The following PARP12 variants were observed in gnomAD, a reference collection of about 807,000 sequenced individuals.
The protein encoded by PARP12 is poly(ADP-ribose) polymerase family member 12, also known as protein mono-ADP-ribosyltransferase PARP12.
A neutral mutation model predicts 72.4 loss-of-function variants in PARP12; 59 were observed. That is an observed-to-expected ratio of 0.81 (90% CI 0.66 to 1.01). PARP12 has a LOEUF of 1.01. PARP12 is among the 50% of genes least tolerant of loss of function. The pLI, the probability that PARP12 is intolerant of heterozygous loss-of-function variation, is 0.00. For synonymous variants in PARP12, 403 were observed against 371.4 expected, an observed-to-expected ratio of 1.09 and a Z score of -0.98; for missense variants, 851 against 914.0, an observed-to-expected ratio of 0.93 and a Z score of 0.89.
intron 1 of PARP12, among the ~76,000 whole-genome samples, chr7:140,061,780 G>C (rs1817454195): frequency 6.6e-6 from 1 of 152,190 alleles, no homozygotes; most frequent in African/African-American, 2.4e-5. Context: ...CCCTCAGGGA[G>C]TTTCTATTCT....
At chr7:140,034,417 T>C (rs1816072809) in intron 7 of PARP12, 86 bp from the exon 8 acceptor site, 4 of 1,166,268 alleles carry the variant, frequency 3.4e-6, no homozygotes, top group Non-Finnish European at 4.9e-6. Flanking sequence ...ACAAATTAGA[T>C]AGATTTGAAA....
intron 8 of PARP12, among the ~76,000 whole-genome samples, chr7:140,030,605 A>ACATACATACGTG (rs1554511769): frequency 6.6e-6 from 1 of 152,062 alleles, no homozygotes; most frequent in African/African-American, 2.4e-5. Context: ...CAAAATACAT[A>ACATACATACGTG]CATACATACA....
At position 140,062,737 on chromosome 7, in the gene PARP12, G is replaced by A. The variant is rs1256446373; in HGVS notation, c.111C>T (p.Asp37=). Reference sequence around the variant, plus strand: ...GCTGCCGCAGCAGCCGCTCCAGCGCGTCGGCGCTCAAGCCCATCCGCAAGC... The same window carrying A: ...GCTGCCGCAGCAGCCGCTCCAGCGCATCGGCGCTCAAGCCCATCCGCAAGC... ...RRRLRMGLSA[D]ALERLLRQRG... The change falls in exon 1 of 12, where the codon GAC becomes GAT. Residue 37 remains aspartate, a synonymous_variant. Coordinates refer to ENST00000263549, the MANE Select transcript of PARP12 (RefSeq NM_022750.4). The A allele has an allele frequency of 1.5e-6, 2 of 1,367,520 alleles. No individual in the cohort carries two copies. Among genetic ancestry groups the A allele is most frequent in the Non-Finnish European group, 1.9e-6 (2 of 1,053,792 alleles). The allele number at this position is 1,367,520 out of a possible 1,614,324, so 84.7% of individuals were successfully genotyped here.
At chr7:140,045,328 C>T (rs536404372) in intron 5 of PARP12, among the ~76,000 whole-genome samples, 7 of 152,174 alleles carry the variant, frequency 4.6e-5, no homozygotes, top group Non-Finnish European at 7.3e-5. Flanking sequence ...CTGCTGCGCT[C>T]GACCCACATC....
chr7:140,061,288 G>A (rs779952377), intron 1 of PARP12, among the ~76,000 whole-genome samples: 9 of 152,072 alleles, frequency 5.9e-5, no homozygotes, highest in Non-Finnish European at 1.0e-4. Context: ...CAGCCCCCTC[G>A]AACTTGATAA....
intron 5 of PARP12, among the ~76,000 whole-genome samples, chr7:140,044,849 C>A (rs935133552): frequency 2.0e-5 from 3 of 152,098 alleles, no homozygotes; most frequent in Non-Finnish European, 4.4e-5. Context: ...CAACCTCCAA[C>A]AGAGGAACTT....
intron 7 of PARP12, among the ~76,000 whole-genome samples, chr7:140,036,556 C>T (rs1816209466): frequency 6.6e-6 from 1 of 152,138 alleles, no homozygotes; most frequent in Admixed American, 6.5e-5. Flanking sequence ...ACAAGCAAAA[C>T]CAAGGCCAGA....
chr7:140,041,995 A>G (rs1816495895), intron 5 of PARP12, among the ~76,000 whole-genome samples, 156 bp from the exon 6 acceptor site: 1 of 152,196 alleles, frequency 6.6e-6, no homozygotes, highest in African/African-American at 2.4e-5. Flanking sequence ...GCTTTTTCAG[A>G]TCAGTTTTGA....
In PARP12 at chr7:140,024,211, G is replaced by T. The variant is rs1038059386; in HGVS notation, c.*349C>A. On this transcript the variant is annotated 3_prime_UTR_variant, in exon 12 of 12. Transcript: ENST00000263549. ...GACTCTGAGAAACCGAATCACTGCA[G>T]AGACAAACTCATAAAAATTAAAACC... The T allele has an allele frequency of 2.9e-6, 1 of 340,004 alleles. No homozygotes were observed. Among genetic ancestry groups the T allele is most frequent in the Non-Finnish European group, 5.7e-6 (1 of 175,200 alleles). The allele number at this position is 340,004 out of a possible 1,614,324, so 21.1% of individuals were successfully genotyped here. A position where few individuals can be genotyped will look rare whatever the true frequency, so the allele number is the denominator to read the frequency against.
chr7:140,041,905 T>G, intron 5 of PARP12, 66 bp from the exon 6 acceptor site: 2 of 1,342,610 alleles, frequency 1.5e-6, no homozygotes, highest in Non-Finnish European at 2.1e-6. Flanking sequence ...TCCCTCAGCT[T>G]GAGAACATAT....
chr7:140,026,158 C>T (rs752465477), intron 11 of PARP12, 39 bp downstream of exon 11: 17 of 1,613,894 alleles, frequency 1.1e-5, no homozygotes, highest in Admixed American at 1.7e-5. Flanking sequence ...AGGGGCAAAG[C>T]AACATGGGTT....
At chr7:140,027,530 C>CAGGAGA in intron 9 of PARP12, 124 bp from the exon 10 acceptor site, 4 of 1,204,394 alleles carry the variant, frequency 3.3e-6, no homozygotes, top group Non-Finnish European at 4.7e-6. Flanking sequence ...GCAGTGACCA[C>CAGGAGA]ATTCTCCTGT....
intron 5 of PARP12, among the ~76,000 whole-genome samples, chr7:140,043,371 G>A (rs952760102): frequency 6.6e-5 from 10 of 151,992 alleles, no homozygotes; most frequent in East Asian, 1.9e-4. Flanking sequence ...TTTTTAAAAA[G>A]GAATTGAGCA....
rs1172461143 is a variant in PARP12, at chr7:140,057,748, C to T, written c.462+151G>A. On this transcript the variant is annotated intron_variant, in intron 2 of 11. Coordinates refer to ENST00000263549, the MANE Select transcript of PARP12 (RefSeq NM_022750.4). ...CAAAGCTGGCCCTTGAACTTCACTG[C>T]TCCTTCTGCTCCACATTCCAAATTT... 10 of 1,123,850 alleles carry T rather than the reference C, an allele frequency of 8.9e-6. No individual in the cohort carries two copies. The East Asian group carries it at 2.3e-4, about 26-fold the overall frequency. The allele number at this position is 1,123,850 out of a possible 1,614,324, so 69.6% of individuals were successfully genotyped here.
intron 1 of PARP12, among the ~76,000 whole-genome samples, chr7:140,058,947 T>G (rs574869744): frequency 6.6e-6 from 1 of 151,700 alleles, no homozygotes; most frequent in Admixed American, 6.6e-5. Context: ...AATACAAAAT[T>G]AGCCGGGCGA....
Position 140,026,363 on chromosome 7 carries a change from G to C in PARP12, c.1629-15C>G. 6.2e-7 allele frequency: 1 copy of C among 1,604,200 alleles called. No homozygotes were observed. The highest frequency in any genetic ancestry group is 1.1e-5 in the South Asian group (1 of 90,630). On this transcript the variant is annotated splice_polypyrimidine_tract_variant and intron_variant, in intron 10 of 11. Transcript: ENST00000263549. Reference sequence around the variant, plus strand: ...GTCCTTTTTGCCTAGAATCACAGAAGAATGTGTGCTGGGGGCAGAGTGTGC... The same window carrying C: ...GTCCTTTTTGCCTAGAATCACAGAACAATGTGTGCTGGGGGCAGAGTGTGC...
chr7:140,054,774 A>C lies in PARP12; in HGVS notation c.761-11T>G. Reference sequence around the variant, plus strand: ...AACTGTCTTTTCTTTCTGCAAAGAAACACCACAAAGATATGTCAGCTTCTG... The same window carrying C: ...AACTGTCTTTTCTTTCTGCAAAGAACCACCACAAAGATATGTCAGCTTCTG... On this transcript the variant is annotated splice_polypyrimidine_tract_variant and intron_variant, in intron 3 of 11. Coordinates refer to ENST00000263549, the MANE Select transcript of PARP12 (RefSeq NM_022750.4). 1 of 1,593,540 alleles carries C rather than the reference A, an allele frequency of 6.3e-7. No homozygotes were observed. The highest frequency in any genetic ancestry group is 8.6e-7 in the Non-Finnish European group (1 of 1,161,166).
At chr7:140,047,990 T>C in intron 4 of PARP12, among the ~76,000 whole-genome samples, 1 of 152,180 alleles carries the variant, frequency 6.6e-6, no homozygotes, top group Middle Eastern at 3.2e-3. Context: ...AAGCTGATTA[T>C]GCGAAGGTCA....
rs540384526 is a variant in PARP12 at position 140,060,578 on chromosome 7, G to A, written c.326+1944C>T. ...TAAATATCACACTACAGATTTCCGAGACAAGTCAGACCTGACCCCACATTT... is the reference window on the plus strand; with the variant it reads ...TAAATATCACACTACAGATTTCCGAAACAAGTCAGACCTGACCCCACATTT... On this transcript the variant is annotated intron_variant, in intron 1 of 11. Transcript: ENST00000263549. Among the ~76,000 whole-genome samples, 60 of 152,348 alleles carry A rather than the reference G, an allele frequency of 3.9e-4. 1 individual carries two copies. Among genetic ancestry groups the A allele is most frequent in the African/African-American group, 1.2e-3 (49 of 41,582 alleles).
Sources: gnomAD v4.1 joint callset for allele counts (sites outside exome capture counted in the v4.1 genomes callset) on GRCh38, gnomAD v4.1.1 for gene constraint, MANE v1.5 for transcripts, NCBI Gene and HGNC (gene_info 2026-07-23, HGNC 2026-07-21) for gene names.